PPP1R36: variants seen among roughly 807,000 people sequenced by gnomAD.
PPP1R36 encodes chromosome 14 open reading frame 50.
Under a neutral mutation model 53.4 loss-of-function variants are expected in PPP1R36, and 47 were observed. The ratio of observed to expected loss-of-function variants is 0.88; its 90% CI spans 0.70 to 1.12. PPP1R36 has a LOEUF of 1.12. PPP1R36 is among the 50% of genes most tolerant of loss of function. PPP1R36 has a pLI of 0.00. For synonymous variants in PPP1R36, 153 were observed against 170.5 expected (o/e 0.90, Z 0.80); for missense variants, 456 against 513.9 (o/e 0.89, Z 1.09).
chr14:64,571,866 C>G (rs1207414578), intron 7 of PPP1R36, among the ~76,000 whole-genome samples: 1 of 152,138 alleles, frequency 6.6e-6, no homozygotes, highest in African/African-American at 2.4e-5. Flanking sequence ...AAAGCATGCG[C>G]AGGGGAACAC....
At chr14:64,575,942 G>A (rs572185616) in intron 8 of PPP1R36, among the ~76,000 whole-genome samples, 6 of 151,886 alleles carry the variant, frequency 4.0e-5, no homozygotes, top group Non-Finnish European at 5.9e-5. Context: ...GAGCCACTGC[G>A]CCTGGCCTAG....
At position 64,565,381 on chromosome 14, in the gene PPP1R36, A is replaced by C; in HGVS notation, c.294A>C (p.Ala98=). The stretch of plus-strand genomic sequence containing the variant: ...GGTTGACAGATAAAAGACTTGCTGC[A>C]AAAGATGATAAGTCAGCTAAAGCTG... The part of the protein sequence containing the change: ...SDRLTDKRLA[A]KDDKSAKAVE... The change falls in exon 5 of 12, where the codon GCA becomes GCC. Residue 98 remains alanine (A), a synonymous_variant. Coordinates refer to ENST00000298705, the MANE Select transcript of PPP1R36 (RefSeq NM_172365.3). The C allele has an allele frequency of 1.2e-6, 2 of 1,613,226 alleles. No individual in the cohort carries two copies. Among genetic ancestry groups the C allele is most frequent in the Non-Finnish European group, 1.7e-6 (2 of 1,179,376 alleles).
chr14:64,554,244 C>G (rs568864907), intron 3 of PPP1R36, among the ~76,000 whole-genome samples: 153 of 151,282 alleles, frequency 1.0e-3, no homozygotes, highest in African/African-American at 3.4e-3. Context: ...CTCCCCCTCC[C>G]GGGTTCAAGC....
chr14:64,554,370 C>A (rs544291734), intron 3 of PPP1R36, among the ~76,000 whole-genome samples: 17 of 152,152 alleles, frequency 1.1e-4, no homozygotes, highest in African/African-American at 3.9e-4. Flanking sequence ...AGGCTGGTCT[C>A]TATCTCCCGA....
At position 64,556,257 on chromosome 14, in the gene PPP1R36, C is replaced by T. The variant is rs543176398; in HGVS notation, c.182+3396C>T. ...AGCTGGGACTACAGGCAGATGCCAC[C>T]GCGTCTGGCTAATTTTTTGTATTTT... On this transcript the variant is annotated intron_variant, in intron 3 of 11. Transcript: ENST00000298705. Among the ~76,000 whole-genome samples the T allele has an allele frequency of 1.7e-3, 251 of 151,806 alleles. 1 individual carries two copies. The highest frequency in any genetic ancestry group is 1.3e-3 in the Non-Finnish European group (89 of 67,952).
chr14:64,566,554 C>A (rs2080258822), intron 6 of PPP1R36, among the ~76,000 whole-genome samples: 1 of 152,190 alleles, frequency 6.6e-6, no homozygotes, highest in Non-Finnish European at 1.5e-5. Flanking sequence ...AGTTTCTTGA[C>A]CTTTGTAAGC....
intron 3 of PPP1R36, among the ~76,000 whole-genome samples, chr14:64,562,832 CTA>C (rs1738379057): frequency 6.6e-6 from 1 of 151,794 alleles, no homozygotes; most frequent in Non-Finnish European, 1.5e-5. Flanking sequence ...CCCCCAAATT[CTA>C]TGATTTTATG....
intron 8 of PPP1R36, among the ~76,000 whole-genome samples, chr14:64,577,717 A>ATT (rs2080354049): frequency 2.5e-5 from 2 of 80,104 alleles, no homozygotes; most frequent in South Asian, 5.1e-4. Context: ...TGCCATGATT[A>ATT]CTTTTTTTTT....
intron 10 of PPP1R36, 76 bp downstream of exon 10, chr14:64,587,448 CTTTTTTTTTTTTTTTTT>C (rs10708900): frequency 1.3e-4 from 14 of 108,936 alleles, no homozygotes; most frequent in East Asian, 2.2e-4. Context: ...CTTTTTTCTC[CTTTTTTTTTTTTTTTTT>C]TTTTTTTTTT....
At chr14:64,554,714 G>T (rs550965532) in intron 3 of PPP1R36, among the ~76,000 whole-genome samples, 1 of 152,196 alleles carries the variant, frequency 6.6e-6, no homozygotes, top group East Asian at 1.9e-4. Flanking sequence ...ACCTAGCAGG[G>T]CGAGATTAGA....
intron 8 of PPP1R36, among the ~76,000 whole-genome samples, chr14:64,576,480 T>C (rs1440375486): frequency 6.6e-6 from 1 of 152,224 alleles, no homozygotes; most frequent in Non-Finnish European, 1.5e-5. Flanking sequence ...TTCATAAGGA[T>C]CGTATATTAG....
At position 64,581,724 on chromosome 14, in the gene PPP1R36, G is replaced by T. The variant is rs7145793; in HGVS notation, c.669-5113G>T. On this transcript the variant is annotated intron_variant, in intron 8 of 11. Transcript: ENST00000298705. Reference sequence around the variant, plus strand: ...ATTTGACTACAACACATTATGCTGCGTATCTCTATGATTAAAGATTTTAGT... The same window carrying T: ...ATTTGACTACAACACATTATGCTGCTTATCTCTATGATTAAAGATTTTAGT... Among the ~76,000 whole-genome samples the T allele has an allele frequency of 8.9e-3, 1,359 of 152,234 alleles. 15 individuals carry two copies. Among genetic ancestry groups the T allele is most frequent in the South Asian group, 0.024 (115 of 4,818 alleles).
At chr14:64,580,929 G>A (rs2080383863) in intron 8 of PPP1R36, among the ~76,000 whole-genome samples, 1 of 152,082 alleles carries the variant, frequency 6.6e-6, no homozygotes. Context: ...ACTGGGGTCC[G>A]CTTGCCTGAT....
chr14:64,584,279 C>T (rs2080414359), intron 8 of PPP1R36, among the ~76,000 whole-genome samples: 1 of 152,214 alleles, frequency 6.6e-6, no homozygotes, highest in Admixed American at 6.5e-5. Context: ...CAATCACTCT[C>T]ATTTCAAAAC....
At position 64,589,101 on chromosome 14, in the gene PPP1R36, C is replaced by T. The variant is rs7156715; in HGVS notation, c.1083-51C>T. On this transcript the variant is annotated intron_variant, in intron 11 of 11. Transcript: ENST00000298705. ...CCACAATCACAGTCTCAACCCTGCA[C>T]GTCAGTCTTTGGCCTCATCACTTCA... The T allele has an allele frequency of 9.3e-4, 1,302 of 1,394,518 alleles. 12 individuals carry two copies. The African/African-American group carries it at 0.017, about 18-fold the overall frequency. The allele number at this position is 1,394,518 out of a possible 1,614,324, so 86.4% of individuals were successfully genotyped here.
Position 64,568,551 on chromosome 14 carries a change from ATG to A in PPP1R36, c.533+106_533+107del, listed in dbSNP as rs1454556472. On this transcript the variant is annotated intron_variant, in intron 7 of 11. Coordinates refer to ENST00000298705, the MANE Select transcript of PPP1R36 (RefSeq NM_172365.3). ...TGATGGAAATTTTTAAATCTTTGAG[ATG>A]TACTAAGACATTTTACATGGGAAGA... is the stretch of plus-strand genomic sequence containing the variant. 8.2e-5 allele frequency: 43 copies of A among 527,116 alleles called. 1 individual carries two copies. Among genetic ancestry groups the A allele is most frequent in the Non-Finnish European group, 1.3e-4 (40 of 302,072 alleles). 32.7% of individuals were successfully genotyped at this position (527,116 alleles called of 1,614,324 possible).
intron 2 of PPP1R36, among the ~76,000 whole-genome samples, chr14:64,551,483 CTA>C (rs1426488110): frequency 2.0e-5 from 3 of 152,106 alleles, no homozygotes; most frequent in African/African-American, 7.2e-5. Flanking sequence ...ATTCTAATCT[CTA>C]TGAAAAAAGA....
At chr14:64,550,337 G>GC in intron 1 of PPP1R36, 1 of 1,218,498 alleles carries the variant, frequency 8.2e-7, no homozygotes, top group Non-Finnish European at 1.0e-6. Flanking sequence ...TTGGTTGGTT[G>GC]CAAAATAGGG....
Position 64,568,389 on chromosome 14 carries a change from T to A in PPP1R36, c.475T>A (p.Tyr159Asn). ...TAATTTCCTCATGGCATTATTGTAC[T>A]ACTTATCCCATTACTTGGAAAAAAA... ...LDNFLMALLY[Y>N]LSHYLEKNSL... Residue 159 changes from tyrosine (Y) to asparagine (N), a missense_variant, in exon 7 of 12, where the codon TAC becomes AAC. By Grantham distance (143) the Tyr-to-Asn change is moderately radical. Transcript: ENST00000298705. The A allele has an allele frequency of 6.4e-7, 1 of 1,565,118 alleles. No individual in the cohort carries two copies. The highest frequency in any genetic ancestry group is 1.9e-5 in the Admixed American group (1 of 53,362).
Sources: gnomAD v4.1 joint callset for allele counts (sites outside exome capture counted in the v4.1 genomes callset) on GRCh38, gnomAD v4.1.1 for gene constraint, MANE v1.5 for transcripts, NCBI Gene and HGNC (gene_info 2026-07-23, HGNC 2026-07-21) for gene names.